Variants in SGIP1 observed in about 807,000 individuals in gnomAD.
SGIP1 encodes the protein SH3-containing GRB2-like protein 3-interacting protein 1.
Under a neutral mutation model 107.5 loss-of-function variants are expected in SGIP1, and 38 were observed. The ratio of observed to expected loss-of-function variants is 0.35; its 90% CI spans 0.27 to 0.46. The LOEUF is 0.46. Ranked by LOEUF, SGIP1 falls within the 20% of genes least tolerant of loss-of-function variation. The probability of loss-of-function intolerance (pLI) is 1.00; values close to 1 mark genes in which losing one functional copy is unlikely to be tolerated. For synonymous variants in SGIP1, 365 were observed against 366.1 expected (o/e 1.00, Z 0.03); for missense variants, 929 against 1,019.5 (o/e 0.91, Z 1.21).
In SGIP1 at chr1:66,750,015, CTT is replaced by C. The variant is rs2094602673; in HGVS notation, c.*6922_*6923del. On this transcript the variant is annotated 3_prime_UTR_variant, in exon 25 of 25. Coordinates refer to ENST00000371037, the MANE Select transcript of SGIP1 (RefSeq NM_032291.4). ...TCATATTCTCTCTCTCTCTCTCTCT[CTT>C]TCTCTGTGTGTGTGTGGGGGTGTGT... Among the ~76,000 whole-genome samples the C allele has an allele frequency of 8.2e-6, 1 of 121,628 alleles. No individual in the cohort carries two copies. Among genetic ancestry groups the C allele is most frequent in the South Asian group, 2.5e-4 (1 of 4,000 alleles). 79.8% of individuals were successfully genotyped at this position (121,628 alleles called of 152,430 possible).
intron 1 of SGIP1, chr1:66,590,572 C>A (rs2063459336): frequency 6.6e-6 from 1 of 152,036 alleles, no homozygotes; most frequent in African/African-American, 2.4e-5. Context: ...AAGTAGCTTG[C>A]CAAAACTTGG....
chr1:66,720,534 C>A (rs2093478277), intron 19 of SGIP1, among the ~76,000 whole-genome samples: 1 of 152,106 alleles, frequency 6.6e-6, no homozygotes, highest in Admixed American at 6.6e-5. Context: ...CGAGACCACC[C>A]CTGGCAACAT....
intron 13 of SGIP1, among the ~76,000 whole-genome samples, chr1:66,677,522 T>A (rs17438588): frequency 0.01 from 1,547 of 152,238 alleles, 12 homozygotes; most frequent in Admixed American, 0.021. Flanking sequence ...GACACATTGA[T>A]AGGAAAGAGT....
chr1:66,742,527 TG>T lies in SGIP1; in HGVS notation c.2465-544del, dbSNP rs560028460. Among the ~76,000 whole-genome samples, 28 of 128,914 alleles carry T rather than the reference TG, an allele frequency of 2.2e-4. No homozygotes were observed. In the South Asian group the frequency reaches 7.5e-3, roughly 35 times the overall value. The allele number at this position is 128,914 out of a possible 152,430, so 84.6% of individuals were successfully genotyped here. A position where few individuals can be genotyped will look rare whatever the true frequency, so the allele number is the denominator to read the frequency against. On this transcript the variant is annotated intron_variant, in intron 24 of 24. Coordinates refer to ENST00000371037, the MANE Select transcript of SGIP1 (RefSeq NM_032291.4). ...CTCTGTCGCCCAGGCTGGAGTGCAG[TG>T]GCGCTATCCCGGCTCACTGCAAGCT... is the stretch of plus-strand genomic sequence containing the variant.
At chr1:66,717,684 C>G (rs185569293) in intron 18 of SGIP1, among the ~76,000 whole-genome samples, 2 of 152,184 alleles carry the variant, frequency 1.3e-5, no homozygotes, top group East Asian at 3.9e-4. Context: ...TCATACATAC[C>G]CCAGTGCCAA....
intron 18 of SGIP1, among the ~76,000 whole-genome samples, chr1:66,710,401 G>A (rs2092834340): frequency 6.6e-6 from 1 of 152,072 alleles, no homozygotes; most frequent in East Asian, 1.9e-4. Flanking sequence ...TGGCTGCCAA[G>A]TTATCGAGTT....
chr1:66,626,712 C>T (rs995464209), intron 2 of SGIP1, among the ~76,000 whole-genome samples: 3 of 152,132 alleles, frequency 2.0e-5, no homozygotes, highest in Non-Finnish European at 4.4e-5. Context: ...CAGCCCAAGA[C>T]CAGTGTAGGG....
At chr1:66,554,463 A>T (rs2057891047) in intron 1 of SGIP1, among the ~76,000 whole-genome samples, 1 of 152,122 alleles carries the variant, frequency 6.6e-6, no homozygotes, top group Non-Finnish European at 1.5e-5. Context: ...AATCCTAGAA[A>T]ATCTGAAATC....
chr1:66,749,620 T>A lies in SGIP1; in HGVS notation c.*6525T>A, dbSNP rs1436854059. On this transcript the variant is annotated 3_prime_UTR_variant, in exon 25 of 25. Transcript: ENST00000371037. Reference sequence around the variant, plus strand: ...TCTCTAAAGATAGTTCAGTTTTTAATCCATCCAGAGTTTGTGAATCAGCCT... The same window carrying A: ...TCTCTAAAGATAGTTCAGTTTTTAAACCATCCAGAGTTTGTGAATCAGCCT... Among the ~76,000 whole-genome samples, 1 of 152,094 alleles carries A rather than the reference T, an allele frequency of 6.6e-6. No homozygotes were observed. Among genetic ancestry groups the A allele is most frequent in the Admixed American group, 6.5e-5 (1 of 15,282 alleles).
intron 18 of SGIP1, among the ~76,000 whole-genome samples, chr1:66,699,228 A>G (rs574074798): frequency 1.3e-5 from 2 of 152,072 alleles, no homozygotes; most frequent in African/African-American, 4.8e-5. Flanking sequence ...ATCGTTCATC[A>G]TGGGACTAGG....
At chr1:66,660,064 GGAA>G (rs2080838842) in intron 7 of SGIP1, 2 of 156,814 alleles carry the variant, frequency 1.3e-5, no homozygotes, top group Non-Finnish European at 2.3e-5. Context: ...AAGAAAGAAA[GGAA>G]GAAAGGAAGG....
chr1:66,646,947 T>C (rs2077776347), intron 7 of SGIP1, among the ~76,000 whole-genome samples: 1 of 152,222 alleles, frequency 6.6e-6, no homozygotes, highest in South Asian at 2.1e-4. Flanking sequence ...TTTCTTATCA[T>C]GTTCCAGCCT....
intron 1 of SGIP1, among the ~76,000 whole-genome samples, chr1:66,607,654 C>T (rs1384460238): frequency 6.6e-6 from 1 of 152,112 alleles, no homozygotes; most frequent in African/African-American, 2.4e-5. Context: ...GAGTAATGCC[C>T]CACCCCCCTA....
intron 1 of SGIP1, among the ~76,000 whole-genome samples, chr1:66,554,130 A>G (rs1641073135): frequency 1.3e-5 from 2 of 152,102 alleles, no homozygotes; most frequent in South Asian, 2.1e-4. Context: ...AATCTAACAC[A>G]GCTCCAAGAA....
At chr1:66,733,043 G>A (rs539474509) in intron 20 of SGIP1, among the ~76,000 whole-genome samples, 2 of 152,160 alleles carry the variant, frequency 1.3e-5, no homozygotes, top group East Asian at 3.9e-4. Context: ...TTGGGTAAGT[G>A]GTCTGTATAC....
chr1:66,725,674 T>G (rs1005319492), intron 19 of SGIP1, among the ~76,000 whole-genome samples: 6 of 152,206 alleles, frequency 3.9e-5, no homozygotes, highest in Non-Finnish European at 8.8e-5. Context: ...AACAATGACT[T>G]GCAAGACACT....
chr1:66,576,542 A>G (rs1473557175), intron 1 of SGIP1, among the ~76,000 whole-genome samples: 3 of 152,216 alleles, frequency 2.0e-5, no homozygotes, highest in African/African-American at 7.2e-5. Flanking sequence ...GCACATGTGA[A>G]CACTCAAGGA....
upstream of SGIP1, chr1:66,533,615 G>T (rs1365241052): frequency 6.6e-6 from 1 of 152,234 alleles, no homozygotes. Flanking sequence ...CGGAGAGAGA[G>T]AGAGACGCAC....
At chr1:66,581,612 G>A (rs1032365740) in intron 1 of SGIP1, among the ~76,000 whole-genome samples, 1 of 151,896 alleles carries the variant, frequency 6.6e-6, no homozygotes, top group South Asian at 2.1e-4. Flanking sequence ...ATGTGTTGAG[G>A]TTCATACCTT....
Sources: gnomAD v4.1 joint callset for allele counts (sites outside exome capture counted in the v4.1 genomes callset) on GRCh38, gnomAD v4.1.1 for gene constraint, MANE v1.5 for transcripts, NCBI Gene and HGNC (gene_info 2026-07-23, HGNC 2026-07-21) for gene names.